The following EYS variants were observed in gnomAD, a reference collection of about 807,000 sequenced individuals.
The protein encoded by EYS is EGF-like photoreceptor maintenance factor.
EYS carries 250 observed loss-of-function variants against 282.1 expected under a neutral mutation model. The ratio of observed to expected loss-of-function variants is 0.89; its 90% CI spans 0.80 to 0.98. The LOEUF (loss-of-function observed/expected upper bound fraction) is 0.98. Among genes scored for constraint, EYS ranks in the 50% least tolerant of loss-of-function variants. The pLI, the probability that EYS is intolerant of heterozygous loss-of-function variation, is 0.00. For synonymous variants in EYS, 1,355 were observed against 1,282.9 expected (o/e 1.06, Z -1.20); for missense variants, 4,016 against 3,709.0 (o/e 1.08, Z -2.15).
intron 12 of EYS, among the ~76,000 whole-genome samples, chr6:65,075,646 A>G (rs1469126013): frequency 6.6e-6 from 1 of 151,710 alleles, no homozygotes; most frequent in Admixed American, 6.6e-5. Flanking sequence ...GAAAGCTCTT[A>G]TGATTCCACC....
At chr6:65,587,526 C>A (rs767050539) in intron 2 of EYS, among the ~76,000 whole-genome samples, 2 of 152,048 alleles carry the variant, frequency 1.3e-5, no homozygotes, top group Non-Finnish European at 2.9e-5. Flanking sequence ...GATTGCTTCC[C>A]CTTCTGCCGT....
chr6:65,643,052 G>T (rs978317078), intron 1 of EYS, among the ~76,000 whole-genome samples: 4 of 152,210 alleles, frequency 2.6e-5, no homozygotes, highest in African/African-American at 9.6e-5. Context: ...GAAGGAACTG[G>T]ATTGCTACTG....
At chr6:64,281,952 G>C (rs1303811843) in intron 30 of EYS, among the ~76,000 whole-genome samples, 2 of 152,030 alleles carry the variant, frequency 1.3e-5, no homozygotes, top group Admixed American at 6.6e-5. Context: ...ATATTTTTAG[G>C]AGATAAAATT....
intron 5 of EYS, among the ~76,000 whole-genome samples, chr6:65,485,988 A>G (rs961672548): frequency 1.1e-4 from 17 of 152,362 alleles, no homozygotes; most frequent in Non-Finnish European, 1.6e-4. Context: ...TTGTGAATTT[A>G]GCAAACAATA....
At chr6:63,802,349 C>A (rs1372831206) in intron 37 of EYS, among the ~76,000 whole-genome samples, 1 of 151,804 alleles carries the variant, frequency 6.6e-6, no homozygotes, top group East Asian at 1.9e-4. Context: ...CTAATGCATG[C>A]GGGGCTTAAA....
intron 5 of EYS, among the ~76,000 whole-genome samples, chr6:65,423,227 T>C (rs964142557): frequency 5.9e-5 from 9 of 151,948 alleles, no homozygotes; most frequent in Admixed American, 5.3e-4. Context: ...CTGAGAACGC[T>C]GGCAACATTT....
chr6:65,111,442 A>T (rs75417821), intron 12 of EYS, among the ~76,000 whole-genome samples: 93 of 152,280 alleles, frequency 6.1e-4, no homozygotes, highest in Non-Finnish European at 1.2e-3. Context: ...TTATTAATAC[A>T]ATGTATGTTT....
At chr6:64,864,480 G>A (rs1421196609) in intron 19 of EYS, among the ~76,000 whole-genome samples, 1 of 144,636 alleles carries the variant, frequency 6.9e-6, no homozygotes, top group African/African-American at 2.6e-5. Flanking sequence ...CCAACTCCCT[G>A]GTTCAAGTGA....
intron 29 of EYS, among the ~76,000 whole-genome samples, chr6:64,329,943 A>G (rs543260981): frequency 5.3e-5 from 8 of 152,276 alleles, no homozygotes; most frequent in Non-Finnish European, 8.8e-5. Flanking sequence ...TCCTGAAAGC[A>G]TCTTTGCCTT....
intron 26 of EYS, among the ~76,000 whole-genome samples, chr6:64,490,031 C>G (rs532829526): frequency 6.6e-6 from 1 of 150,634 alleles, no homozygotes; most frequent in Non-Finnish European, 1.5e-5. Flanking sequence ...TAGTTCTCAG[C>G]GAATTTTATT....
intron 12 of EYS, among the ~76,000 whole-genome samples, chr6:65,190,166 G>A (rs1000998747): frequency 6.6e-6 from 1 of 150,756 alleles, no homozygotes; most frequent in Non-Finnish European, 1.5e-5. Context: ...TATAACTTTC[G>A]TGGGCCTATT....
At chr6:65,526,822 T>C (rs1259447045) in intron 2 of EYS, among the ~76,000 whole-genome samples, 1 of 151,848 alleles carries the variant, frequency 6.6e-6, no homozygotes, top group Non-Finnish European at 1.5e-5. Context: ...CAAAATTAAA[T>C]TTAAAAAAGA....
chr6:65,677,035 A>C (rs567163575), intron 1 of EYS, among the ~76,000 whole-genome samples: 109 of 151,252 alleles, frequency 7.2e-4, no homozygotes, highest in Middle Eastern at 6.8e-3. Context: ...AAAACTAGAA[A>C]TTGAAAAAAA....
intron 1 of EYS, among the ~76,000 whole-genome samples, chr6:65,666,701 A>G (rs148242223): frequency 2.0e-4 from 30 of 151,664 alleles, no homozygotes; most frequent in Admixed American, 1.4e-3. Context: ...ATTCTAAAAT[A>G]TAGAATTGCT....
intron 5 of EYS, among the ~76,000 whole-genome samples, chr6:65,483,717 G>A (rs575181625): frequency 4.6e-5 from 7 of 152,192 alleles, no homozygotes; most frequent in Admixed American, 4.6e-4. Flanking sequence ...TCATGCTGCT[G>A]ATTAAGACAT....
intron 22 of EYS, among the ~76,000 whole-genome samples, chr6:64,657,779 C>T (rs1241017326): frequency 6.6e-6 from 1 of 152,152 alleles, no homozygotes; most frequent in African/African-American, 2.4e-5. Flanking sequence ...TCTCTGGCTG[C>T]CCTTAACATT....
intron 2 of EYS, among the ~76,000 whole-genome samples, chr6:65,622,909 A>G (rs1158905469): frequency 6.6e-6 from 1 of 152,038 alleles, no homozygotes; most frequent in Admixed American, 6.6e-5. Flanking sequence ...AAGCATGCAC[A>G]ACACCACCCG....
chr6:65,512,857 C>T (rs1273365006), intron 2 of EYS, among the ~76,000 whole-genome samples: 1 of 152,014 alleles, frequency 6.6e-6, no homozygotes, highest in Non-Finnish European at 1.5e-5. Context: ...AAAATTGACA[C>T]CCTAACATCA....
At chr6:64,188,085 G>C (rs1305120512) in intron 31 of EYS, among the ~76,000 whole-genome samples, 2 of 152,074 alleles carry the variant, frequency 1.3e-5, no homozygotes, top group African/African-American at 2.4e-5. Flanking sequence ...CATTTAAGTA[G>C]TCCAAATTTG....
Sources: gnomAD v4.1 joint callset for allele counts (sites outside exome capture counted in the v4.1 genomes callset) on GRCh38, gnomAD v4.1.1 for gene constraint, MANE v1.5 for transcripts, NCBI Gene and HGNC (gene_info 2026-07-23, HGNC 2026-07-21) for gene names.